CHSY3: variants seen among roughly 807,000 people sequenced by gnomAD.
CHSY3 encodes N-acetylgalactosaminyl-proteoglycan 3-beta-glucuronosyltransferase 3.
In CHSY3, 35 loss-of-function variants were observed where a neutral mutation model predicts 67.2. That is an observed-to-expected ratio of 0.52 (90% CI 0.40 to 0.69). The LOEUF (loss-of-function observed/expected upper bound fraction) is 0.69. Among genes scored for constraint, CHSY3 ranks in the 30% least tolerant of loss-of-function variants. CHSY3 has a pLI of 0.00. For missense variants in CHSY3, 1,069 were observed against 1,138.5 expected (o/e 0.94, Z 0.88); for synonymous variants, 474 against 434.7 (o/e 1.09, Z -1.12).
intron 2 of CHSY3, among the ~76,000 whole-genome samples, chr5:130,006,919 T>G (rs6859240): frequency 0.94 from 143,401 of 152,204 alleles, 67,660 homozygotes; most frequent in East Asian, 1. Context: ...GATATTGGTG[T>G]CTGTCAGACA....
chr5:129,929,602 A>AAT (rs1382987752), intron 2 of CHSY3, among the ~76,000 whole-genome samples: 1 of 152,192 alleles, frequency 6.6e-6, no homozygotes, highest in Non-Finnish European at 1.5e-5. Flanking sequence ...ACTGCTCAAA[A>AAT]ATATATACAC....
chr5:130,039,502 A>T (rs1019032039), intron 2 of CHSY3, among the ~76,000 whole-genome samples: 9 of 152,120 alleles, frequency 5.9e-5, no homozygotes, highest in African/African-American at 2.2e-4. Flanking sequence ...GTATCTAAAA[A>T]CAAAAACAAA....
chr5:130,085,529 T>A (rs1766588566), intron 2 of CHSY3, among the ~76,000 whole-genome samples: 1 of 152,154 alleles, frequency 6.6e-6, no homozygotes, highest in South Asian at 2.1e-4. Flanking sequence ...GCTAGCTGTC[T>A]GTCAATTTTG....
chr5:130,062,654 T>G (rs1318762998), intron 2 of CHSY3, among the ~76,000 whole-genome samples: 1 of 152,092 alleles, frequency 6.6e-6, no homozygotes, highest in East Asian at 1.9e-4. Context: ...TTAAAGTAAT[T>G]TCAGAGGAAA....
chr5:130,023,754 A>G (rs1267828231), intron 2 of CHSY3, among the ~76,000 whole-genome samples: 1 of 151,920 alleles, frequency 6.6e-6, no homozygotes, highest in Non-Finnish European at 1.5e-5. Flanking sequence ...TACATGTAAC[A>G]CCCTCCACCC....
At chr5:130,133,820 C>G (rs1482120711) in intron 2 of CHSY3, among the ~76,000 whole-genome samples, 2 of 137,724 alleles carry the variant, frequency 1.5e-5, no homozygotes, top group East Asian at 4.1e-4. Flanking sequence ...AGGCTGTCAA[C>G]CTAAGAGAGA....
chr5:129,971,353 G>A (rs990553607), intron 2 of CHSY3, among the ~76,000 whole-genome samples: 8 of 151,036 alleles, frequency 5.3e-5, no homozygotes, highest in Non-Finnish European at 8.9e-5. Context: ...ATATGAGGTT[G>A]GTTTCTAATT....
At chr5:130,119,643 T>C (rs1227819904) in intron 2 of CHSY3, among the ~76,000 whole-genome samples, 1 of 152,120 alleles carries the variant, frequency 6.6e-6, no homozygotes, top group East Asian at 1.9e-4. Flanking sequence ...CTTATATTCT[T>C]GACTCAGCAT....
rs1296393218 is a variant in CHSY3, at chr5:130,020,815, C to A, written c.1086+112455C>A. Among the ~76,000 whole-genome samples, 5 of 152,230 alleles carry A rather than the reference C, an allele frequency of 3.3e-5. No individual in the cohort carries two copies. The East Asian group carries it at 5.8e-4, about 18-fold the overall frequency. ...ATTGCCTCTTCTCCTGTCCCCTACT[C>A]AGTCTGTCGAGATGCTTCAAATCTG... On this transcript the variant is annotated intron_variant, in intron 2 of 2. Coordinates refer to ENST00000305031, the MANE Select transcript of CHSY3 (RefSeq NM_175856.5).
intron 2 of CHSY3, among the ~76,000 whole-genome samples, chr5:130,092,759 T>C (rs1360261845): frequency 6.6e-6 from 1 of 152,156 alleles, no homozygotes; most frequent in African/African-American, 2.4e-5. Context: ...GCAGAGGAGA[T>C]GGGAGATCAG....
chr5:129,980,436 G>C (rs1328383430), intron 2 of CHSY3, among the ~76,000 whole-genome samples: 1 of 152,142 alleles, frequency 6.6e-6, no homozygotes, highest in African/African-American at 2.4e-5. Flanking sequence ...GGTCTGGTGA[G>C]GTCTTTGACC....
rs142878678 is a variant in CHSY3 at position 130,070,668 on chromosome 5, G to A, written c.1087-113561G>A. ...TTAATACTCAATTATTTGGCTAAAGGCCCTATTCCTCATTTATTTATTACA... is the reference window on the plus strand; with the variant it reads ...TTAATACTCAATTATTTGGCTAAAGACCCTATTCCTCATTTATTTATTACA... On this transcript the variant is annotated intron_variant, in intron 2 of 2. Transcript: ENST00000305031. Among the ~76,000 whole-genome samples the A allele has an allele frequency of 4.3e-3, 650 of 152,056 alleles. 6 individuals are homozygous for A. Among genetic ancestry groups the A allele is most frequent in the African/African-American group, 0.015 (637 of 41,516 alleles).
chr5:129,976,407 C>G (rs899753937), intron 2 of CHSY3, among the ~76,000 whole-genome samples: 4 of 152,104 alleles, frequency 2.6e-5, no homozygotes, highest in African/African-American at 9.7e-5. Flanking sequence ...ATTTGCCCCC[C>G]CATAACCAAT....
chr5:130,093,289 T>C (rs1054595981), intron 2 of CHSY3, among the ~76,000 whole-genome samples: 3 of 152,220 alleles, frequency 2.0e-5, no homozygotes, highest in Admixed American at 1.3e-4. Flanking sequence ...AGATCATGTC[T>C]TGTTGTTTTT....
Position 129,904,633 on chromosome 5 carries a change from G to A in CHSY3, c.-197G>A, listed in dbSNP as rs1342947381. The stretch of plus-strand genomic sequence containing the variant: ...CGGAGCCCCGGCCCAGAGCTGAGCG[G>A]GAGCCCGGCAGGCAGCTGCAGCCCG... On this transcript the variant is annotated 5_prime_UTR_variant, in exon 1 of 3. Transcript: ENST00000305031. 6 of 866,506 alleles carry A rather than the reference G, an allele frequency of 6.9e-6. No homozygotes were observed. The highest frequency in any genetic ancestry group is 9.0e-6 in the Non-Finnish European group (6 of 665,372). The allele number at this position is 866,506 out of a possible 1,614,324, so 53.7% of individuals were successfully genotyped here.
In CHSY3 at chr5:130,000,732, C is replaced by CTTTTTTTTT. The variant is rs71000946; in HGVS notation, c.1086+92390_1086+92398dup. On this transcript the variant is annotated intron_variant, in intron 2 of 2. Coordinates refer to ENST00000305031, the MANE Select transcript of CHSY3 (RefSeq NM_175856.5). ...GGACTACAAATGTGTAACTTTTCTT[C>CTTTTTTTTT]TTTTTTTTTTTTTTTTTTTTTTTTT... Among the ~76,000 whole-genome samples the CTTTTTTTTT allele has an allele frequency of 1.1e-3, 84 of 76,470 alleles. 6 individuals are homozygous for CTTTTTTTTT. The highest frequency in any genetic ancestry group is 3.0e-3 in the African/African-American group (59 of 19,394). The allele number at this position is 76,470 out of a possible 152,430, so 50.2% of individuals were successfully genotyped here. A position where few individuals can be genotyped will look rare whatever the true frequency, so the allele number is the denominator to read the frequency against.
chr5:130,023,196 T>C (rs541212947), intron 2 of CHSY3, among the ~76,000 whole-genome samples: 73 of 152,052 alleles, frequency 4.8e-4, no homozygotes, highest in Admixed American at 7.2e-4. Flanking sequence ...TGTATAGTCC[T>C]TGAGTTTTGT....
At chr5:129,964,446 G>A (rs190369248) in intron 2 of CHSY3, among the ~76,000 whole-genome samples, 23 of 151,920 alleles carry the variant, frequency 1.5e-4, no homozygotes, top group Middle Eastern at 3.4e-3. Context: ...AGAGAAGAAG[G>A]TAATTATAAT....
rs538049052 is a variant in CHSY3 at position 130,111,237 on chromosome 5, C to T, written c.1087-72992C>T. 3.3e-5 allele frequency among the ~76,000 whole-genome samples: 5 copies of T among 152,144 alleles called. No individual in the cohort carries two copies. In the South Asian group the frequency reaches 1.0e-3, roughly 32 times the overall value. ...GATGAAAACTGATTAACATTAAATC[C>T]TCACATGCCAATAATCTGCTATACT... On this transcript the variant is annotated intron_variant, in intron 2 of 2. Transcript: ENST00000305031.
Sources: gnomAD v4.1 joint callset for allele counts (sites outside exome capture counted in the v4.1 genomes callset) on GRCh38, gnomAD v4.1.1 for gene constraint, MANE v1.5 for transcripts, NCBI Gene and HGNC (gene_info 2026-07-23, HGNC 2026-07-21) for gene names.